CAPN8: variants seen among roughly 807,000 people sequenced by gnomAD.
CAPN8 encodes the protein calpain 8.
CAPN8 carries 87 observed loss-of-function variants against 80.9 expected under a neutral mutation model. That is an observed-to-expected ratio of 1.07 (90% CI 0.90 to 1.28). The LOEUF is 1.28. Among genes scored for constraint, CAPN8 ranks in the 50% most tolerant of loss-of-function variants. The pLI, the probability that CAPN8 is intolerant of heterozygous loss-of-function variation, is 0.00. For synonymous variants in CAPN8, 299 were observed against 273.8 expected, an observed-to-expected ratio of 1.09 and a Z score of -0.91; for missense variants, 757 against 702.0, an observed-to-expected ratio of 1.08 and a Z score of -0.89.
In CAPN8 at chr1:223,622,812, T is replaced by C. The variant is rs2102708305; in HGVS notation, c.899+3A>G. On this transcript the variant is annotated splice_donor_region_variant and intron_variant, in intron 7 of 20. Transcript: ENST00000366872. ...ACTGGAGAAGCGGGGGAAAAAAACC[T>C]ACTCATCGCTCCAGGCTCCCGACCA... 3.2e-6 allele frequency: 5 copies of C among 1,551,314 alleles called. No individual in the cohort carries two copies. The highest frequency in any genetic ancestry group is 4.4e-6 in the Non-Finnish European group (5 of 1,146,622).
Position 223,627,197 on chromosome 1 carries a change from C to T in CAPN8, c.561-40G>A, listed in dbSNP as rs369633404. The T allele has an allele frequency of 4.7e-5, 73 of 1,545,584 alleles. No individual in the cohort carries two copies. In the Middle Eastern group the frequency reaches 8.3e-4, roughly 18 times the overall value. On this transcript the variant is annotated intron_variant, in intron 4 of 20. Transcript: ENST00000366872. Reference sequence around the variant, plus strand: ...AGAACACATGCTCCATTAGCACCCTCAGCAAGGAGACCCGGGGATTGGGGA... The same window carrying T: ...AGAACACATGCTCCATTAGCACCCTTAGCAAGGAGACCCGGGGATTGGGGA...
chr1:223,657,372 T>C (rs1658524452), intron 1 of CAPN8, among the ~76,000 whole-genome samples: 1 of 151,728 alleles, frequency 6.6e-6, no homozygotes, highest in South Asian at 2.1e-4. Context: ...TTAAATGTTG[T>C]TTTTAAAAAA....
At chr1:223,658,498 A>G (rs1658556230) in intron 1 of CAPN8, among the ~76,000 whole-genome samples, 1 of 152,202 alleles carries the variant, frequency 6.6e-6, no homozygotes, top group African/African-American at 2.4e-5. Context: ...TCTTTCAGGG[A>G]CCACAGAAAG....
intron 2 of CAPN8, among the ~76,000 whole-genome samples, chr1:223,633,997 A>T (rs1417707354): frequency 6.6e-6 from 1 of 152,210 alleles, no homozygotes; most frequent in African/African-American, 2.4e-5. Flanking sequence ...ACAAGAGTAA[A>T]GCCTCAGGTA....
chr1:223,625,051 T>C (rs903654884), intron 6 of CAPN8, among the ~76,000 whole-genome samples: 6 of 151,954 alleles, frequency 3.9e-5, no homozygotes, highest in African/African-American at 4.8e-5. Flanking sequence ...CGAGATTGCA[T>C]CACTGCACTC....
At chr1:223,547,537 G>A (rs1467613592) in intron 16 of CAPN8, among the ~76,000 whole-genome samples, 1 of 152,200 alleles carries the variant, frequency 6.6e-6, no homozygotes, top group Non-Finnish European at 1.5e-5. Flanking sequence ...TCTAAATTAT[G>A]TGATGATGGT....
At position 223,627,155 on chromosome 1, in the gene CAPN8, A is replaced by C. The variant is rs1657612284; in HGVS notation, c.563T>G (p.Leu188Arg). The C allele has an allele frequency of 1.9e-6, 3 of 1,552,232 alleles. No individual in the cohort carries two copies. The highest frequency in any genetic ancestry group is 2.6e-6 in the Non-Finnish European group (3 of 1,147,036). The change falls in exon 5 of 21, where the codon CTT (leucine) becomes CGT (arginine). Residue 188 changes from leucine (L) to arginine (R), a missense_variant and splice_region_variant. Transcript: ENST00000366872. ...AGCGAGAGCCTCATAACAACCATTA[A>C]GCCTATTGGAAAAGAAAGAACACAT... ...SALLEKAYAK[L>R]NGCYEALAGG... is the part of the protein sequence containing the mutation.
At chr1:223,642,405 G>GC (rs990601791) in intron 2 of CAPN8, among the ~76,000 whole-genome samples, 8 of 152,224 alleles carry the variant, frequency 5.3e-5, no homozygotes, top group South Asian at 2.1e-4. Context: ...CACTTCTGCT[G>GC]CCCCCCATAG....
At position 223,609,355 on chromosome 1, in the gene CAPN8, G is replaced by A. The variant is rs1656977108; in HGVS notation, c.1333C>T (p.His445Tyr). The change falls in exon 12 of 21, where the codon CAC becomes TAC. Residue 445 changes from histidine (H) to tyrosine (Y), a missense_variant. Physicochemically the swap from His to Tyr is moderately conservative, Grantham distance 83 (BLOSUM62 2). Coordinates refer to ENST00000366872, the MANE Select transcript of CAPN8 (RefSeq NM_001143962.2). ...VYQVPKELES[H>Y]TDAHLGRDFF... ...TCCCGGCCCAAGTGTGCGTCCGTGTGACTCTCCAGCTGCACGAAACAATAA... is the reference window on the plus strand; with the variant it reads ...TCCCGGCCCAAGTGTGCGTCCGTGTAACTCTCCAGCTGCACGAAACAATAA... 5.0e-6 allele frequency: 2 copies of A among 398,442 alleles called. No homozygotes were observed. Among genetic ancestry groups the A allele is most frequent in the Non-Finnish European group, 4.4e-6 (1 of 226,054 alleles). 24.7% of individuals were successfully genotyped at this position (398,442 alleles called of 1,614,324 possible).
Position 223,618,295 on chromosome 1 carries a change from C to T in CAPN8, c.1135+998G>A, listed in dbSNP as rs769197017. The T allele has an allele frequency of 2.3e-5, 35 of 1,550,420 alleles. No homozygotes were observed. In the South Asian group the frequency reaches 3.6e-4, roughly 16 times the overall value. ...CCTAGGAGGAGCCTACACAGGGACA[C>T]ATTAGTGATCTTCTGCGAGCCAGGA... is the stretch of plus-strand genomic sequence containing the variant. On this transcript the variant is annotated intron_variant, in intron 9 of 20. Coordinates refer to ENST00000366872, the MANE Select transcript of CAPN8 (RefSeq NM_001143962.2).
intron 1 of CAPN8, among the ~76,000 whole-genome samples, chr1:223,658,002 T>A (rs565752757): frequency 1.3e-5 from 2 of 152,014 alleles, no homozygotes; most frequent in Admixed American, 1.3e-4. Context: ...TTCTCCTCAG[T>A]CTCCTTCATG....
chr1:223,631,356 C>T (rs552649460), intron 2 of CAPN8, among the ~76,000 whole-genome samples: 1 of 152,148 alleles, frequency 6.6e-6, no homozygotes, highest in African/African-American at 2.4e-5. Flanking sequence ...CCTCAAAACT[C>T]CATTCATGCA....
rs896440818 is a variant in CAPN8 at position 223,555,475 on chromosome 1, G to T, written c.1573-1575C>A. On this transcript the variant is annotated intron_variant, in intron 13 of 20. Coordinates refer to ENST00000366872, the MANE Select transcript of CAPN8 (RefSeq NM_001143962.2). ...ATATGCTAATCTAAAAATACATCTA[G>T]ATTTTTAGAAGAAAAAATGATAAAC... Among the ~76,000 whole-genome samples the T allele has an allele frequency of 2.1e-4, 32 of 152,260 alleles. No homozygotes were observed. In the South Asian group the frequency reaches 4.8e-3, roughly 23 times the overall value.
rs373430013 is a variant in CAPN8, at chr1:223,550,972, C to A, written c.1687G>T (p.Ala563Ser). The stretch of plus-strand genomic sequence containing the variant: ...AGAAGGAACTTACTCTTGGAAAACG[C>A]CTCATTCAAAAGTATCTTGAGTGCA... Reference protein sequence around the residue: ...ANALKILLNEAFSKRTDIKFD... With the variant: ...ANALKILLNESFSKRTDIKFD... The change falls in exon 15 of 21, where the codon GCG (alanine) becomes TCG (serine). Residue 563 changes from alanine to serine, a missense_variant. Ala to Ser is a moderately conservative substitution (Grantham distance 99). Coordinates refer to ENST00000366872, the MANE Select transcript of CAPN8 (RefSeq NM_001143962.2). 2.8e-6 allele frequency: 2 copies of A among 718,256 alleles called. No homozygotes were observed. 44.5% of individuals were successfully genotyped at this position (718,256 alleles called of 1,614,324 possible). A position where few individuals can be genotyped will look rare whatever the true frequency, so the allele number is the denominator to read the frequency against.
rs949281858 is a variant in CAPN8, at chr1:223,555,503, A to G, written c.1573-1603T>C. The stretch of plus-strand genomic sequence containing the variant: ...TTTTAGAAGAAAAAATGATAAACAC[A>G]TCATATCTCATCACACATATATGAT... On this transcript the variant is annotated intron_variant, in intron 13 of 20. Coordinates refer to ENST00000366872, the MANE Select transcript of CAPN8 (RefSeq NM_001143962.2). Among the ~76,000 whole-genome samples the G allele has an allele frequency of 6.9e-3, 1,048 of 152,350 alleles. 3 individuals are homozygous for G. Among genetic ancestry groups the G allele is most frequent in the Non-Finnish European group, 0.011 (770 of 68,026 alleles).
intron 1 of CAPN8, among the ~76,000 whole-genome samples, chr1:223,662,735 C>A (rs1180811901): frequency 6.6e-6 from 1 of 152,210 alleles, no homozygotes; most frequent in Non-Finnish European, 1.5e-5. Flanking sequence ...CAATGCACCA[C>A]ATTTCTGGAT....
intron 1 of CAPN8, among the ~76,000 whole-genome samples, chr1:223,661,278 T>C (rs1027168087): frequency 6.6e-6 from 1 of 151,412 alleles, no homozygotes; most frequent in African/African-American, 2.4e-5. Flanking sequence ...TTTGGGGAAA[T>C]GCAAATCAAA....
chr1:223,657,274 C>G (rs776255960), intron 1 of CAPN8, among the ~76,000 whole-genome samples: 7 of 151,998 alleles, frequency 4.6e-5, no homozygotes, highest in Non-Finnish European at 8.8e-5. Flanking sequence ...CAAGAGCTCC[C>G]AGTCTCCAAG....
At chr1:223,661,783 G>C (rs1362766383) in intron 1 of CAPN8, among the ~76,000 whole-genome samples, 1 of 152,166 alleles carries the variant, frequency 6.6e-6, no homozygotes, top group Non-Finnish European at 1.5e-5. Context: ...ACGTAGAACT[G>C]CCATATGATC....
Sources: gnomAD v4.1 joint callset for allele counts (sites outside exome capture counted in the v4.1 genomes callset) on GRCh38, gnomAD v4.1.1 for gene constraint, MANE v1.5 for transcripts, NCBI Gene and HGNC (gene_info 2026-07-23, HGNC 2026-07-21) for gene names.